Variants in DNAH14 observed in about 807,000 individuals in gnomAD.
The protein encoded by DNAH14 is dynein axonemal heavy chain 14, also known as axonemal beta dynein heavy chain 14.
In DNAH14, 478 loss-of-function variants were observed where a neutral mutation model predicts 520.9. That is an observed-to-expected ratio of 0.92 (90% CI 0.85 to 0.99). DNAH14 has a LOEUF of 0.99. DNAH14 is among the 50% of genes least tolerant of loss of function. The pLI is 0.00. For missense variants in DNAH14, 4,831 were observed against 5,234.5 expected (o/e 0.92, Z 2.38); for synonymous variants, 1,581 against 1,757.2 (o/e 0.90, Z 2.51).
chr1:225,184,881 C>T (rs2084494300), intron 36 of DNAH14, among the ~76,000 whole-genome samples: 3 of 152,022 alleles, frequency 2.0e-5, no homozygotes, highest in African/African-American at 7.2e-5. Context: ...TCACACCACT[C>T]TTATGCATTA....
rs1016904574 is a variant in DNAH14 at position 225,300,996 on chromosome 1, A to G, written c.8597A>G (p.Asp2866Gly). The G allele has an allele frequency of 6.5e-7, 1 of 1,549,416 alleles. No homozygotes were observed. Among genetic ancestry groups the G allele is most frequent in the African/African-American group, 1.4e-5 (1 of 73,100 alleles). ...RYLTEQSGHMDNRQSLLSFFQ... is the reference protein window; with the variant it reads ...RYLTEQSGHMGNRQSLLSFFQ... The stretch of plus-strand genomic sequence containing the variant: ...CTTACTGAACAATCTGGTCATATGG[A>G]TAATAGGCAATCTTTACTTTCATTC... Residue 2866 changes from aspartate to glycine, a missense_variant, in exon 56 of 86, where the codon GAT becomes GGT. Physicochemically the swap from Asp to Gly is moderately conservative, Grantham distance 94. Transcript: ENST00000682510.
At chr1:225,377,154 G>A (rs2095711428) in intron 78 of DNAH14, 83 bp from the exon 79 acceptor site, 2 of 1,101,760 alleles carry the variant, frequency 1.8e-6, no homozygotes, top group African/African-American at 1.6e-5. Context: ...CTGAAAGTAG[G>A]TATCTTACTC....
At chr1:225,146,480 C>A (rs1452746390) in intron 30 of DNAH14, among the ~76,000 whole-genome samples, 5 of 152,190 alleles carry the variant, frequency 3.3e-5, no homozygotes, top group Non-Finnish European at 7.4e-5. Flanking sequence ...CATTTACAAA[C>A]CAATAGATTT....
intron 12 of DNAH14, among the ~76,000 whole-genome samples, chr1:225,041,519 G>T (rs969618453): frequency 2.0e-5 from 3 of 152,142 alleles, no homozygotes; most frequent in Admixed American, 2.0e-4. Context: ...ATATTATAAC[G>T]ATGTGCACAG....
chr1:225,111,915 A>G (rs3101919), intron 23 of DNAH14, among the ~76,000 whole-genome samples: 11,105 of 152,206 alleles, frequency 0.073, 626 homozygotes, highest in East Asian at 0.24. Flanking sequence ...GAGCAAAAAC[A>G]AAGCTAATAA....
chr1:225,109,502 T>G (rs1375658179), intron 23 of DNAH14, among the ~76,000 whole-genome samples: 1 of 152,190 alleles, frequency 6.6e-6, no homozygotes, highest in Non-Finnish European at 1.5e-5. Context: ...CTTGATTTTT[T>G]TTCATATTGT....
intron 27 of DNAH14, among the ~76,000 whole-genome samples, chr1:225,138,997 C>T (rs2079202621): frequency 6.6e-6 from 1 of 152,170 alleles, no homozygotes; most frequent in Admixed American, 6.5e-5. Flanking sequence ...GCATACTTGA[C>T]TTGTAGTTCT....
Position 225,207,076 on chromosome 1 carries a change from A to G in DNAH14, c.6295A>G (p.Ser2099Gly), listed in dbSNP as rs1182497655. The stretch of plus-strand genomic sequence containing the variant: ...TTGTCTTGAATTCATGATTAAAAAT[A>G]GTGTCACAGACGGACTACAATTTAT... ...VDCLEFMIKN[S>G]VTDGLQFIRN... is the part of the protein sequence containing the mutation. Residue 2099 changes from serine to glycine, a missense_variant, in exon 41 of 86, where the codon AGT becomes GGT. Transcript: ENST00000682510. The G allele has an allele frequency of 6.4e-7, 1 of 1,550,918 alleles. No homozygotes were observed. Among genetic ancestry groups the G allele is most frequent in the Admixed American group, 2.0e-5 (1 of 50,912 alleles).
chr1:225,227,810 A>C (rs532726202), intron 41 of DNAH14, among the ~76,000 whole-genome samples: 11 of 152,164 alleles, frequency 7.2e-5, no homozygotes, highest in Non-Finnish European at 1.2e-4. Flanking sequence ...AGTAACAATT[A>C]TATTACGAAC....
At chr1:225,048,429 G>A (rs563041890) in intron 15 of DNAH14, among the ~76,000 whole-genome samples, 7 of 152,158 alleles carry the variant, frequency 4.6e-5, no homozygotes, top group African/African-American at 2.4e-5. Flanking sequence ...CTGAGCCCAG[G>A]AGGTCAAGGC....
chr1:224,996,888 C>T (rs1286469065), intron 8 of DNAH14, among the ~76,000 whole-genome samples: 1 of 152,066 alleles, frequency 6.6e-6, no homozygotes, highest in African/African-American at 2.4e-5. Context: ...GCTGTTTAAC[C>T]TGCTGGGTGT....
intron 41 of DNAH14, among the ~76,000 whole-genome samples, chr1:225,227,240 G>A (rs1264169855): frequency 1.3e-5 from 2 of 152,030 alleles, no homozygotes; most frequent in Non-Finnish European, 2.9e-5. Flanking sequence ...TGTCTCAGTA[G>A]GGGGAAACCT....
chr1:225,033,485 G>C (rs1420206053), intron 11 of DNAH14, among the ~76,000 whole-genome samples: 1 of 152,162 alleles, frequency 6.6e-6, no homozygotes, highest in Non-Finnish European at 1.5e-5. Flanking sequence ...CTGTAGCCTT[G>C]TAGTGTAGTT....
At chr1:225,208,247 G>A (rs1303488909) in intron 41 of DNAH14, among the ~76,000 whole-genome samples, 1 of 151,682 alleles carries the variant, frequency 6.6e-6, no homozygotes, top group African/African-American at 2.4e-5. Context: ...CATCAGAAGT[G>A]TAACCCAGGA....
chr1:225,085,549 T>C lies in DNAH14; in HGVS notation c.3333T>C (p.Phe1111=). 6.5e-7 allele frequency: 1 copy of C among 1,542,436 alleles called. No homozygotes were observed. Among genetic ancestry groups the C allele is most frequent in the Non-Finnish European group, 8.8e-7 (1 of 1,139,484 alleles). ...KVENLLALKM[F]QYENEINDMS... ...GAATACTTTGTTCATTTTAGATGTT[T>C]CAGTATGAAAATGAAATAAATGATA... The change falls in exon 21 of 86, where the codon TTT becomes TTC. Residue 1111 remains phenylalanine (F), a synonymous_variant. Coordinates refer to ENST00000682510, the MANE Select transcript of DNAH14 (RefSeq NM_001367479.1).
intron 9 of DNAH14, among the ~76,000 whole-genome samples, chr1:225,004,767 G>A (rs115233719): frequency 2.0e-3 from 308 of 152,240 alleles, no homozygotes; most frequent in Non-Finnish European, 3.1e-3. Flanking sequence ...CATTAGAATC[G>A]GAAGGTTATG....
chr1:224,948,486 A>C (rs1407219629), intron 1 of DNAH14, among the ~76,000 whole-genome samples: 2 of 152,032 alleles, frequency 1.3e-5, no homozygotes, highest in South Asian at 4.2e-4. Context: ...TCTTTTGAAT[A>C]GGGTATAACT....
intron 8 of DNAH14, among the ~76,000 whole-genome samples, chr1:224,986,175 T>G (rs1193724650): frequency 6.6e-6 from 1 of 152,012 alleles, no homozygotes; most frequent in Non-Finnish European, 1.5e-5. Context: ...CCTGATGGCT[T>G]CTTCTGAATT....
At chr1:225,371,828 TACTC>T (rs1484552591) in intron 77 of DNAH14, among the ~76,000 whole-genome samples, 1 of 152,104 alleles carries the variant, frequency 6.6e-6, no homozygotes, top group African/African-American at 2.4e-5. Context: ...AAAATTTAAA[TACTC>T]AGGAACAAAT....
Sources: allele counts gnomAD v4.1 joint callset (sites outside exome capture counted in the v4.1 genomes callset), GRCh38; gene constraint gnomAD v4.1.1; transcripts MANE v1.5; gene names NCBI Gene and HGNC (gene_info 2026-07-23, HGNC 2026-07-21).